PABPC4L: variants seen among roughly 807,000 people sequenced by gnomAD.
PABPC4L encodes polyadenylate-binding protein 4-like.
For missense variants in PABPC4L, 452 were observed against 451.4 expected, an observed-to-expected ratio of 1.00 and a Z score of -0.01; for synonymous variants, 169 against 164.1, an observed-to-expected ratio of 1.03 and a Z score of -0.23.
At chr4:134,132,799 A>C in the PABPC4L span, among the ~76,000 whole-genome samples, 2 of 150,392 alleles carry the variant, frequency 1.3e-5, no homozygotes, top group African/African-American at 4.9e-5. Flanking sequence ...GCAAAAGTAT[A>C]GAACCAGCCC....
chr4:134,134,007 GA>G, the PABPC4L span, among the ~76,000 whole-genome samples: 28 of 150,708 alleles, frequency 1.9e-4, 1 homozygote, highest in South Asian at 3.6e-3. Flanking sequence ...TACATTGAAA[GA>G]AAAAAAACTA....
the PABPC4L span, among the ~76,000 whole-genome samples, chr4:134,057,172 T>C: frequency 6.6e-6 from 1 of 152,074 alleles, no homozygotes; most frequent in African/African-American, 2.4e-5. Flanking sequence ...GACATCTTTC[T>C]CCTCTCCCTC....
At chr4:134,171,287 T>C in the PABPC4L span, among the ~76,000 whole-genome samples, 3 of 152,090 alleles carry the variant, frequency 2.0e-5, no homozygotes, top group Non-Finnish European at 4.4e-5. Context: ...GACAAATTTT[T>C]GTATTTTTAG....
chr4:133,965,440 A>T, the PABPC4L span, among the ~76,000 whole-genome samples: 1 of 152,000 alleles, frequency 6.6e-6, no homozygotes, highest in East Asian at 1.9e-4. Flanking sequence ...AAATACCACC[A>T]TCTTTCTTCA....
At chr4:134,015,313 T>C in the PABPC4L span, among the ~76,000 whole-genome samples, 19 of 152,136 alleles carry the variant, frequency 1.2e-4, no homozygotes, top group Non-Finnish European at 2.5e-4. Context: ...ATCTGAGCCT[T>C]ATCAACAAAA....
At chr4:134,151,996 A>G in the PABPC4L span, among the ~76,000 whole-genome samples, 1 of 151,812 alleles carries the variant, frequency 6.6e-6, no homozygotes, top group African/African-American at 2.4e-5. Context: ...ATCAATTTAG[A>G]TATTATTATT....
chr4:134,122,044 C>A, the PABPC4L span, among the ~76,000 whole-genome samples: 1 of 151,672 alleles, frequency 6.6e-6, no homozygotes, highest in Non-Finnish European at 1.5e-5. Flanking sequence ...AATCAAATTT[C>A]ATAGTAATTC....
the PABPC4L span, among the ~76,000 whole-genome samples, chr4:134,169,269 C>G: frequency 6.6e-6 from 1 of 151,972 alleles, no homozygotes; most frequent in Non-Finnish European, 1.5e-5. Context: ...GATAAAAACT[C>G]TCAACAAACT....
the PABPC4L span, among the ~76,000 whole-genome samples, chr4:134,004,375 C>G: frequency 4.6e-4 from 70 of 151,948 alleles, no homozygotes; most frequent in South Asian, 1.2e-3. Flanking sequence ...AAAAGGCCAA[C>G]AGGTATATGA....
At chr4:134,046,654 T>C in the PABPC4L span, among the ~76,000 whole-genome samples, 20 of 152,104 alleles carry the variant, frequency 1.3e-4, no homozygotes. Flanking sequence ...CCTTGGACAA[T>C]ACTCAGGCTT....
the PABPC4L span, among the ~76,000 whole-genome samples, chr4:133,988,833 CT>C: frequency 6.6e-6 from 1 of 152,172 alleles, no homozygotes; most frequent in Non-Finnish European, 1.5e-5. Flanking sequence ...GGCTCTGCCC[CT>C]GCAACGAACT....
chr4:134,068,402 C>G, the PABPC4L span, among the ~76,000 whole-genome samples: 1 of 152,054 alleles, frequency 6.6e-6, no homozygotes, highest in Admixed American at 6.6e-5. Flanking sequence ...TTACTTTGAG[C>G]CTGTTGGTGT....
At chr4:134,015,654 C>T in the PABPC4L span, among the ~76,000 whole-genome samples, 1 of 152,116 alleles carries the variant, frequency 6.6e-6, no homozygotes, top group African/African-American at 2.4e-5. Flanking sequence ...TCTGACTAAT[C>T]TCCCAAACCT....
chr4:134,070,347 G>A, the PABPC4L span, among the ~76,000 whole-genome samples: 1 of 152,118 alleles, frequency 6.6e-6, no homozygotes, highest in African/African-American at 2.4e-5. Flanking sequence ...ATCGGCTGTG[G>A]TGAGGTAGCA....
the PABPC4L span, among the ~76,000 whole-genome samples, chr4:133,984,540 A>G: frequency 6.6e-6 from 1 of 151,934 alleles, no homozygotes; most frequent in East Asian, 1.9e-4. Context: ...GATAGTAACT[A>G]GAGCACAAAT....
chr4:134,163,227 C>T, the PABPC4L span, among the ~76,000 whole-genome samples: 3 of 151,972 alleles, frequency 2.0e-5, no homozygotes, highest in African/African-American at 7.2e-5. Flanking sequence ...GCTATGAATA[C>T]CCCTCTATAC....
chr4:133,964,975 A>G, the PABPC4L span, among the ~76,000 whole-genome samples: 44,648 of 151,922 alleles, frequency 0.29, 9,881 homozygotes, highest in African/African-American at 0.59. Context: ...CAGAGCAATC[A>G]GAGAAGAGAA....
chr4:134,008,835 T>A, the PABPC4L span, among the ~76,000 whole-genome samples: 1 of 151,834 alleles, frequency 6.6e-6, no homozygotes, highest in Admixed American at 6.6e-5. Context: ...CTCTTACCAA[T>A]GTTACATATA....
At chr4:133,964,653 G>A in the PABPC4L span, among the ~76,000 whole-genome samples, 4 of 151,908 alleles carry the variant, frequency 2.6e-5, no homozygotes, top group Non-Finnish European at 5.9e-5. Flanking sequence ...GGGATGCAGG[G>A]ATGGTTCACA....
Sources: allele counts gnomAD v4.1 joint callset (sites outside exome capture counted in the v4.1 genomes callset), GRCh38; gene constraint gnomAD v4.1.1; transcripts MANE v1.5; gene names NCBI Gene and HGNC (gene_info 2026-07-23, HGNC 2026-07-21).